IREB2: variants seen among roughly 807,000 people sequenced by gnomAD.
The protein encoded by IREB2 is iron responsive element binding protein 2, also known as iron-responsive element-binding protein 2.
Under a neutral mutation model 118.8 loss-of-function variants are expected in IREB2, and 39 were observed. That is an observed-to-expected ratio of 0.33 (90% CI 0.25 to 0.43). The LOEUF (loss-of-function observed/expected upper bound fraction) is 0.43. Among genes scored for constraint, IREB2 ranks in the 20% least tolerant of loss-of-function variants. The probability of loss-of-function intolerance (pLI) is 1.00; values close to 1 mark genes in which losing one functional copy is unlikely to be tolerated. For synonymous variants in IREB2, 372 were observed against 392.2 expected, an observed-to-expected ratio of 0.95 and a Z score of 0.61; for missense variants, 900 against 1,147.3, an observed-to-expected ratio of 0.78 and a Z score of 3.11.
rs954659413 is a variant in IREB2 at position 78,449,802 on chromosome 15, A to AT, written c.106+9930dup. 3.3e-3 allele frequency among the ~76,000 whole-genome samples: 502 copies of AT among 150,682 alleles called. 8 individuals are homozygous for AT. The highest frequency in any genetic ancestry group is 9.3e-4 in the Non-Finnish European group (63 of 67,620). ...CCGTATACAAATAGCAGACCTCAGC[A>AT]TTTTTTTTTCAGAGCCGAACCACCT... On this transcript the variant is annotated intron_variant, in intron 2 of 21. Coordinates refer to ENST00000258886, the MANE Select transcript of IREB2 (RefSeq NM_004136.4).
At chr15:78,441,435 A>AT (rs1280195153) in intron 2 of IREB2, among the ~76,000 whole-genome samples, 17 of 152,208 alleles carry the variant, frequency 1.1e-4, no homozygotes, top group Non-Finnish European at 1.8e-4. Context: ...AAGAATAGTC[A>AT]TTTTATTTCC....
At chr15:78,449,263 A>G (rs1052707079) in intron 2 of IREB2, among the ~76,000 whole-genome samples, 8 of 152,190 alleles carry the variant, frequency 5.3e-5, no homozygotes, top group Non-Finnish European at 1.0e-4. Flanking sequence ...ATCCAGTTCT[A>G]TAAGCTCTGT....
At chr15:78,496,420 C>G (rs1277273848) in intron 20 of IREB2, among the ~76,000 whole-genome samples, 1 of 152,028 alleles carries the variant, frequency 6.6e-6, no homozygotes, top group East Asian at 1.9e-4. Context: ...GTGTGCACCA[C>G]CATGTCCAGC....
At chr15:78,468,072 T>A (rs2051314458) in intron 5 of IREB2, among the ~76,000 whole-genome samples, 1 of 152,162 alleles carries the variant, frequency 6.6e-6, no homozygotes, top group Non-Finnish European at 1.5e-5. Context: ...CAGACTGGTC[T>A]CGAACTCCTG....
chr15:78,448,578 A>G (rs566926575), intron 2 of IREB2, among the ~76,000 whole-genome samples: 3 of 152,354 alleles, frequency 2.0e-5, no homozygotes, highest in Non-Finnish European at 4.4e-5. Context: ...GGTTCTGGTT[A>G]GAGACAGAAA....
At chr15:78,470,955 C>G (rs150019511) in intron 6 of IREB2, 2,061 of 155,570 alleles carry the variant, frequency 0.013, 67 homozygotes, top group African/African-American at 0.046. Context: ...TCGGCCCCCC[C>G]CAAAGTGCTG....
At chr15:78,475,013 C>A (rs956037401) in intron 8 of IREB2, 3 of 144,372 alleles carry the variant, frequency 2.1e-5, no homozygotes, top group African/African-American at 5.2e-5. Context: ...CGAGATTGCG[C>A]CACTGCAGTC....
At chr15:78,481,093 A>T (rs73463003) in intron 10 of IREB2, among the ~76,000 whole-genome samples, 6,485 of 152,048 alleles carry the variant, frequency 0.043, 457 homozygotes, top group African/African-American at 0.14. Flanking sequence ...AGGCAAGAGG[A>T]TTACTTAAGG....
Position 78,451,832 on chromosome 15 carries a change from T to C in IREB2, c.107-11090T>C, listed in dbSNP as rs559372122. Among the ~76,000 whole-genome samples, 5 of 152,204 alleles carry C rather than the reference T, an allele frequency of 3.3e-5. No individual in the cohort carries two copies. The East Asian group carries it at 9.7e-4, about 29-fold the overall frequency. On this transcript the variant is annotated intron_variant, in intron 2 of 21. Coordinates refer to ENST00000258886, the MANE Select transcript of IREB2 (RefSeq NM_004136.4). ...CCTTCCTAGTAGCTGGAACTACAGG[T>C]GTGAGCCACTGCGTCCAACAGGGTT...
intron 5 of IREB2, among the ~76,000 whole-genome samples, chr15:78,467,231 G>A (rs531124695): frequency 1.9e-4 from 28 of 146,548 alleles, no homozygotes; most frequent in African/African-American, 3.5e-4. Context: ...AAAAAGAGCC[G>A]TATGTTAACG....
intron 2 of IREB2, among the ~76,000 whole-genome samples, chr15:78,454,901 A>G (rs2051081439): frequency 6.6e-6 from 1 of 152,114 alleles, no homozygotes; most frequent in Non-Finnish European, 1.5e-5. Flanking sequence ...TATGTTGCCC[A>G]GGTTGTCCGA....
At chr15:78,442,587 T>G (rs1331372883) in intron 2 of IREB2, among the ~76,000 whole-genome samples, 1 of 152,228 alleles carries the variant, frequency 6.6e-6, no homozygotes, top group African/African-American at 2.4e-5. Flanking sequence ...AACACTGTTC[T>G]AAGCTCCATG....
chr15:78,439,094 C>G (rs941785797), intron 1 of IREB2, among the ~76,000 whole-genome samples: 34 of 152,220 alleles, frequency 2.2e-4, no homozygotes, highest in African/African-American at 8.2e-4. Flanking sequence ...CCGCCACTGC[C>G]CCCTAGAATG....
At chr15:78,465,434 C>T (rs1436153980) in intron 4 of IREB2, 46 bp downstream of exon 4, 2 of 1,536,192 alleles carry the variant, frequency 1.3e-6, no homozygotes, top group Admixed American at 1.9e-5. Context: ...AGTTAATTGG[C>T]TGGAAATGTG....
At chr15:78,464,844 G>A (rs1454480728) in intron 3 of IREB2, among the ~76,000 whole-genome samples, 3 of 152,148 alleles carry the variant, frequency 2.0e-5, no homozygotes, top group African/African-American at 7.2e-5. Flanking sequence ...TGTATAGTTG[G>A]CTGGATAGAT....
intron 20 of IREB2, among the ~76,000 whole-genome samples, chr15:78,495,281 A>T (rs1215258100): frequency 6.6e-6 from 1 of 152,174 alleles, no homozygotes; most frequent in Non-Finnish European, 1.5e-5. Flanking sequence ...TACTAATTAT[A>T]AGTATTATTA....
rs911863438 is a variant in IREB2 at position 78,498,113 on chromosome 15, A to G, written c.2862A>G (p.Leu954=). The part of the protein sequence containing the change: ...VEITLYKHGG[L]LNFVARKFS ...TAACATTATACAAACATGGAGGATT[A>G]TTAAACTTTGTGGCACGAAAATTCT... is the stretch of plus-strand genomic sequence containing the variant. The change falls in exon 22 of 22, where the codon TTA becomes TTG. Residue 954 remains leucine, a synonymous_variant. Transcript: ENST00000258886. 9.9e-6 allele frequency: 16 copies of G among 1,611,194 alleles called. No homozygotes were observed. The highest frequency in any genetic ancestry group is 1.4e-5 in the Non-Finnish European group (16 of 1,177,502).
chr15:78,490,833 T>G (rs2051738896), intron 18 of IREB2, 72 bp downstream of exon 18: 2 of 1,399,280 alleles, frequency 1.4e-6, no homozygotes, highest in Non-Finnish European at 9.9e-7. Flanking sequence ...TCTATTGGTC[T>G]TGTTCCTTTT....
intron 2 of IREB2, among the ~76,000 whole-genome samples, chr15:78,440,174 A>C (rs575422913): frequency 1.1e-4 from 16 of 152,132 alleles, no homozygotes; most frequent in African/African-American, 3.9e-4. Flanking sequence ...TTTTGTGAAG[A>C]CAGGGGTCTT....
Sources: gnomAD v4.1 joint callset for allele counts (sites outside exome capture counted in the v4.1 genomes callset) on GRCh38, gnomAD v4.1.1 for gene constraint, MANE v1.5 for transcripts, NCBI Gene and HGNC (gene_info 2026-07-23, HGNC 2026-07-21) for gene names.